ZNF518A: variants seen among roughly 807,000 people sequenced by gnomAD.
ZNF518A encodes zinc finger protein 518.
A neutral mutation model predicts 102.7 loss-of-function variants in ZNF518A; 47 were observed. The ratio of observed to expected loss-of-function variants is 0.46; its 90% CI spans 0.36 to 0.58. The LOEUF is 0.58. Ranked by LOEUF, ZNF518A falls within the 20% of genes least tolerant of loss-of-function variation. ZNF518A has a pLI of 0.00. For missense variants in ZNF518A, 1,793 were observed against 1,699.8 expected (o/e 1.05, Z -0.96); for synonymous variants, 652 against 594.6 (o/e 1.10, Z -1.40).
At chr10:96,196,909 T>A in intron 1 of ZNF518A, 1 of 1,613,182 alleles carries the variant, frequency 6.2e-7, no homozygotes, top group Non-Finnish European at 8.5e-7. Context: ...ATCACTGACC[T>A]CTTCACCATT....
At chr10:96,192,097 A>T in intron 1 of ZNF518A, 1 of 1,613,540 alleles carries the variant, frequency 6.2e-7, no homozygotes, top group Non-Finnish European at 8.5e-7. Flanking sequence ...AAAGTACTAG[A>T]GGAAGAAAAC....
intron 1 of ZNF518A, among the ~76,000 whole-genome samples, chr10:96,190,603 G>T (rs189577486): frequency 6.6e-6 from 1 of 152,358 alleles, no homozygotes; most frequent in Admixed American, 6.5e-5. Context: ...ATCTTTAGAA[G>T]TGAGTCATGA....
downstream of ZNF518A, among the ~76,000 whole-genome samples, chr10:96,165,464 A>C (rs587768918): frequency 0.03 from 2,182 of 73,796 alleles, 26 homozygotes; most frequent in Non-Finnish European, 0.047. Flanking sequence ...AAAAAACAAC[A>C]ACAACCAAAA....
chr10:96,185,326 G>A (rs138634367), intron 1 of ZNF518A, among the ~76,000 whole-genome samples: 8,882 of 152,090 alleles, frequency 0.058, 314 homozygotes, highest in Middle Eastern at 0.085. Flanking sequence ...GTCATTCTCC[G>A]TCCAGCTTTG....
rs781842359 is a variant in ZNF518A at position 96,157,997 on chromosome 10, T to G, written c.1675T>G (p.Leu559Val). The G allele has an allele frequency of 5.0e-6, 8 of 1,613,804 alleles. No individual in the cohort carries two copies. The East Asian group carries it at 1.6e-4, about 31-fold the overall frequency. The change falls in exon 6 of 6, where the codon TTG (leucine) becomes GTG (valine). Residue 559 changes from leucine to valine, a missense_variant. Leu to Val is a conservative substitution (Grantham distance 32, BLOSUM62 1). This residue lies in a region of ZNF518A where 1,741 missense variants were observed against 1,622.6 expected (regional missense o/e 1.07). Coordinates refer to ENST00000316045, the MANE Select transcript of ZNF518A (RefSeq NM_001330736.2). Reference protein sequence around the residue: ...SVSSLSATSELVTASVNLTTK... With the variant: ...SVSSLSATSEVVTASVNLTTK... The stretch of plus-strand genomic sequence containing the variant: ...ATCTTCTTTGTCAGCAACATCAGAA[T>G]TGGTTACAGCATCAGTGAATTTGAC...
chr10:96,184,104 AAG>A (rs1410977873), intron 1 of ZNF518A, among the ~76,000 whole-genome samples: 2 of 152,040 alleles, frequency 1.3e-5, no homozygotes, highest in African/African-American at 4.8e-5. Context: ...TGTTGGTTTA[AAG>A]TCTGTTTTAT....
At position 96,130,486 on chromosome 10, in the gene ZNF518A, G is replaced by C. The variant is rs1194053967; in HGVS notation, c.-719G>C. Reference sequence around the variant, plus strand: ...GGTGTGCCTCCGCGCTCCCCGCGGGGCAGCCGAACCCCGGAGGAAGGGGCG... The same window carrying C: ...GGTGTGCCTCCGCGCTCCCCGCGGGCCAGCCGAACCCCGGAGGAAGGGGCG... On this transcript the variant is annotated 5_prime_UTR_variant, in exon 1 of 6. Transcript: ENST00000316045. Among the ~76,000 whole-genome samples the C allele has an allele frequency of 1.3e-5, 2 of 152,248 alleles. No individual in the cohort carries two copies. Among genetic ancestry groups the C allele is most frequent in the Admixed American group, 6.5e-5 (1 of 15,288 alleles).
intron 3 of ZNF518A, among the ~76,000 whole-genome samples, chr10:96,153,753 A>G (rs587692237): frequency 1.3e-5 from 2 of 152,336 alleles, no homozygotes; most frequent in East Asian, 3.9e-4. Flanking sequence ...GTGAAAACAC[A>G]TGAAAACTCG....
At chr10:96,201,079 C>G in intron 1 of ZNF518A, 1 of 1,599,378 alleles carries the variant, frequency 6.3e-7, no homozygotes, top group Non-Finnish European at 8.6e-7. Flanking sequence ...TCAGAAAAGT[C>G]CTTCAATTAA....
chr10:96,160,771 A>G lies in ZNF518A; in HGVS notation c.4449A>G (p.Glu1483=), dbSNP rs1554887604. Residue 1483 remains glutamate, a synonymous_variant, in exon 6 of 6, where the codon GAA becomes GAG. Coordinates refer to ENST00000316045, the MANE Select transcript of ZNF518A (RefSeq NM_001330736.2). The stretch of plus-strand genomic sequence containing the variant: ...CTACTCGGGATTGGAACATGTTAGA[A>G]TAGTTTACCATAATTACCAAGGAAA... ...MEATRDWNML[E] 2 of 1,542,636 alleles carry G rather than the reference A, an allele frequency of 1.3e-6. No individual in the cohort carries two copies. Among genetic ancestry groups the G allele is most frequent in the Non-Finnish European group, 1.7e-6 (2 of 1,150,304 alleles).
At chr10:96,203,905 G>A in intron 2 of ZNF518A, 1 of 561,664 alleles carries the variant, frequency 1.8e-6, no homozygotes, top group Non-Finnish European at 3.2e-6. Context: ...AAACATTCTT[G>A]GCCCCATTTT....
intron 1 of ZNF518A, among the ~76,000 whole-genome samples, chr10:96,194,309 A>T (rs1379386379): frequency 6.6e-6 from 1 of 152,232 alleles, no homozygotes; most frequent in Non-Finnish European, 1.5e-5. Context: ...ATTGGTCTTG[A>T]TTAGTGCCCT....
At chr10:96,152,822 A>G (rs781932979) in intron 3 of ZNF518A, among the ~76,000 whole-genome samples, 4 of 152,234 alleles carry the variant, frequency 2.6e-5, no homozygotes, top group Non-Finnish European at 5.9e-5. Context: ...CAGTATTAAA[A>G]TCTCATGGGA....
At chr10:96,198,573 C>T (rs1311959285) in intron 1 of ZNF518A, among the ~76,000 whole-genome samples, 1 of 152,214 alleles carries the variant, frequency 6.6e-6, no homozygotes, top group Non-Finnish European at 1.5e-5. Flanking sequence ...TCAGACTTCT[C>T]AAGAGCTTCA....
chr10:96,143,068 A>C (rs1323203515), intron 3 of ZNF518A, among the ~76,000 whole-genome samples: 1 of 152,118 alleles, frequency 6.6e-6, no homozygotes, highest in Admixed American at 6.5e-5. Context: ...TTGGCCTCGC[A>C]AAGTGTTGGG....
At chr10:96,179,787 T>TTCC (rs782467070) in intron 1 of ZNF518A, among the ~76,000 whole-genome samples, 9 of 151,658 alleles carry the variant, frequency 5.9e-5, no homozygotes, top group South Asian at 2.1e-4. Context: ...CCTTTTCTTC[T>TTCC]TCCTCCTCCT....
chr10:96,156,328 A>C lies in ZNF518A; in HGVS notation c.6A>C (p.Pro2=). 1 of 1,566,486 alleles carries C rather than the reference A, an allele frequency of 6.4e-7. No individual in the cohort carries two copies. The highest frequency in any genetic ancestry group is 2.2e-5 in the East Asian group (1 of 44,450). The change falls in exon 6 of 6, where the codon CCA becomes CCC. Residue 2 remains proline (P), a synonymous_variant. Coordinates refer to ENST00000316045, the MANE Select transcript of ZNF518A (RefSeq NM_001330736.2). M[P]SEQKQLFCDE... Reference sequence around the variant, plus strand: ...GGGACTTTTTTGGTTAAATCATGCCATCTGAACAGAAACAGTTATTTTGTG... The same window carrying C: ...GGGACTTTTTTGGTTAAATCATGCCCTCTGAACAGAAACAGTTATTTTGTG...
chr10:96,173,308 G>A (rs2083184022), intron 1 of ZNF518A, among the ~76,000 whole-genome samples: 1 of 135,468 alleles, frequency 7.4e-6, no homozygotes, highest in South Asian at 2.3e-4. Flanking sequence ...GATTTCACCA[G>A]CACCCTCTGT....
chr10:96,185,270 T>G (rs1266800093), intron 1 of ZNF518A, among the ~76,000 whole-genome samples: 5 of 152,292 alleles, frequency 3.3e-5, no homozygotes, highest in South Asian at 2.1e-4. Flanking sequence ...CTCGGAGAAG[T>G]TTTTATTACT....
Sources: gnomAD v4.1 joint callset for allele counts (sites outside exome capture counted in the v4.1 genomes callset) on GRCh38, gnomAD v4.1.1 for gene constraint, gnomAD v4.1.1 regional missense constraint, MANE v1.5 for transcripts, NCBI Gene and HGNC (gene_info 2026-07-23, HGNC 2026-07-21) for gene names.